Variants in FAM78B observed in about 807,000 individuals in gnomAD.
FAM78B encodes the protein protein FAM78B.
In FAM78B, 10 loss-of-function variants were observed where a neutral mutation model predicts 20.0. That is an observed-to-expected ratio of 0.50 (90% confidence interval 0.31 to 0.85). The LOEUF (loss-of-function observed/expected upper bound fraction) is 0.85, where lower values mean the gene tolerates loss of function less well. Among genes scored for constraint, FAM78B ranks in the 40% least tolerant of loss-of-function variants. The pLI is 0.05. For missense variants in FAM78B, 283 were observed against 345.0 expected (o/e 0.82, Z 1.42); for synonymous variants, 135 against 132.8 (o/e 1.02, Z -0.12).
chr1:166,109,874 A>ATATG (rs1469307605), intron 1 of FAM78B, among the ~76,000 whole-genome samples: 2 of 17,802 alleles, frequency 1.1e-4, no homozygotes, highest in African/African-American at 4.1e-4. Flanking sequence ...ATGTGTATAT[A>ATATG]TATATATGTA....
chr1:166,132,138 C>T (rs1654897235), intron 1 of FAM78B, among the ~76,000 whole-genome samples: 1 of 152,184 alleles, frequency 6.6e-6, no homozygotes, highest in Non-Finnish European at 1.5e-5. Context: ...TAGCTGTCAT[C>T]ATAAAATAAA....
At chr1:166,146,582 AG>A (rs1436258584) in intron 1 of FAM78B, among the ~76,000 whole-genome samples, 1 of 152,174 alleles carries the variant, frequency 6.6e-6, no homozygotes, top group African/African-American at 2.4e-5. Context: ...GCCAAGGGCA[AG>A]GGGGGTCTGA....
intron 1 of FAM78B, among the ~76,000 whole-genome samples, chr1:166,157,146 T>C (rs1027308278): frequency 6.6e-6 from 1 of 150,706 alleles, no homozygotes; most frequent in Non-Finnish European, 1.5e-5. Flanking sequence ...AGTGGGTTTG[T>C]AGGGGAGGTT....
intron 1 of FAM78B, among the ~76,000 whole-genome samples, chr1:166,145,491 T>A (rs116275585): frequency 0.015 from 2,227 of 152,222 alleles, 28 homozygotes; most frequent in Admixed American, 0.021. Context: ...AAGAGGAGGA[T>A]GTAAGGGCCT....
chr1:166,154,811 CT>C lies in FAM78B; in HGVS notation c.263+11174del, dbSNP rs573175300. Reference sequence around the variant, plus strand: ...GTCCCTCACTAGTTGTGGCACTGCCCTTTTCTGGGCTTCAGCGTCCCCATCT... The same window carrying C: ...GTCCCTCACTAGTTGTGGCACTGCCCTTTCTGGGCTTCAGCGTCCCCATCT... On this transcript the variant is annotated intron_variant, in intron 1 of 1. Transcript: ENST00000354422. 12 of 478,478 alleles carry C rather than the reference CT, an allele frequency of 2.5e-5. No individual in the cohort carries two copies. The East Asian group carries it at 7.8e-4, about 31-fold the overall frequency. The allele number at this position is 478,478 out of a possible 1,614,324, so 29.6% of individuals were successfully genotyped here. A position where few individuals can be genotyped will look rare whatever the true frequency, so the allele number is the denominator to read the frequency against.
At chr1:166,127,563 A>T (rs1419292688) in intron 1 of FAM78B, among the ~76,000 whole-genome samples, 1 of 152,204 alleles carries the variant, frequency 6.6e-6, no homozygotes, top group Non-Finnish European at 1.5e-5. Flanking sequence ...CTCTGTTTAA[A>T]GTGTTAGGCA....
chr1:166,058,039 G>GT (rs1651420666), exon 3 of FAM78B: 1 of 151,844 alleles, frequency 6.6e-6, no homozygotes, highest in African/African-American at 2.4e-5. Flanking sequence ...TATAATGTAG[G>GT]CAAGTGTGCT....
At chr1:166,129,737 T>C (rs796506709) in intron 1 of FAM78B, among the ~76,000 whole-genome samples, 3 of 152,244 alleles carry the variant, frequency 2.0e-5, no homozygotes, top group African/African-American at 7.2e-5. Flanking sequence ...TCTCCTGCAC[T>C]TTCTCTTCCA....
At chr1:166,154,847 G>A (rs1190507593) in intron 1 of FAM78B, 3 of 472,476 alleles carry the variant, frequency 6.3e-6, no homozygotes, top group Non-Finnish European at 1.3e-5. Flanking sequence ...TGTAAAAGAA[G>A]CAAATGAGCT....
At chr1:166,065,353 A>G (rs970295184), downstream of FAM78B, among the ~76,000 whole-genome samples, 4 of 152,242 alleles carry the variant, frequency 2.6e-5, no homozygotes, top group African/African-American at 9.6e-5. Flanking sequence ...TAATGCCAAA[A>G]TATTACAGGA....
chr1:166,112,550 C>G (rs974021256), intron 1 of FAM78B, among the ~76,000 whole-genome samples: 2 of 152,174 alleles, frequency 1.3e-5, no homozygotes, highest in Non-Finnish European at 2.9e-5. Context: ...TTCTTGGATT[C>G]TAATGATGAC....
At chr1:166,100,126 T>C (rs180806699) in intron 1 of FAM78B, among the ~76,000 whole-genome samples, 32 of 152,222 alleles carry the variant, frequency 2.1e-4, no homozygotes, top group African/African-American at 7.7e-4. Flanking sequence ...ACCATCCAAA[T>C]ACATGGAAAT....
At chr1:166,093,869 G>A (rs1414570017) in intron 1 of FAM78B, among the ~76,000 whole-genome samples, 3 of 151,878 alleles carry the variant, frequency 2.0e-5, no homozygotes, top group Non-Finnish European at 4.4e-5. Context: ...GTCCTGATTG[G>A]CTAGGATGAT....
chr1:166,112,609 G>A (rs1654098054), intron 1 of FAM78B, among the ~76,000 whole-genome samples: 1 of 152,180 alleles, frequency 6.6e-6, no homozygotes, highest in African/African-American at 2.4e-5. Context: ...TTTCTGAGGA[G>A]CCTTATTATT....
intron 1 of FAM78B, among the ~76,000 whole-genome samples, chr1:166,112,137 A>G (rs4072243): frequency 0.027 from 4,143 of 152,274 alleles, 258 homozygotes; most frequent in Admixed American, 0.14. Context: ...CTGCTCTGCA[A>G]TTCTCTTCTG....
chr1:166,106,837 A>G (rs982501578), intron 1 of FAM78B, among the ~76,000 whole-genome samples: 1 of 152,144 alleles, frequency 6.6e-6, no homozygotes, highest in African/African-American at 2.4e-5. Flanking sequence ...ACAATATACC[A>G]TGTAAGAAAC....
chr1:166,122,526 T>C (rs1466454747), intron 1 of FAM78B, among the ~76,000 whole-genome samples: 1 of 152,220 alleles, frequency 6.6e-6, no homozygotes, highest in Non-Finnish European at 1.5e-5. Context: ...TCTCAGATAT[T>C]AACAGGCCTC....
rs75723556 is a variant in FAM78B at position 166,148,377 on chromosome 1, T to C, written c.263+17609A>G. ...AGGTGAAGCATCTATATAAGCATGA[T>C]GGTAGGCAGAGGCCTAGCTTTGGAA... On this transcript the variant is annotated intron_variant, in intron 1 of 1. Coordinates refer to ENST00000354422, the MANE Select transcript of FAM78B (RefSeq NM_001017961.5). Among the ~76,000 whole-genome samples, 342 of 152,356 alleles carry C rather than the reference T, an allele frequency of 2.2e-3. 1 individual carries two copies. Among genetic ancestry groups the C allele is most frequent in the African/African-American group, 7.8e-3 (323 of 41,582 alleles).
intron 1 of FAM78B, among the ~76,000 whole-genome samples, chr1:166,124,412 G>C (rs569795934): frequency 1.4e-4 from 22 of 152,206 alleles, no homozygotes; most frequent in Non-Finnish European, 2.9e-4. Flanking sequence ...CTATATGCCA[G>C]GCACTGTTCT....
Sources: gnomAD v4.1 joint callset for allele counts (sites outside exome capture counted in the v4.1 genomes callset) on GRCh38, gnomAD v4.1.1 for gene constraint, MANE v1.5 for transcripts, NCBI Gene and HGNC (gene_info 2026-07-23, HGNC 2026-07-21) for gene names.